The following ERC2 variants were observed in gnomAD, a reference collection of about 807,000 sequenced individuals.
ERC2 encodes ELKS/RAB6-interacting/CAST family member 2.
In ERC2, 42 loss-of-function variants were observed where a neutral mutation model predicts 114.8. That is an observed-to-expected ratio of 0.37 (90% CI 0.29 to 0.47). The LOEUF (loss-of-function observed/expected upper bound fraction) is 0.47, where lower values mean the gene tolerates loss of function less well. Among genes scored for constraint, ERC2 ranks in the 20% least tolerant of loss-of-function variants. ERC2 has a pLI of 0.99. For missense variants in ERC2, 939 were observed against 1,150.7 expected (o/e 0.82, Z 2.66); for synonymous variants, 454 against 425.5 (o/e 1.07, Z -0.82).
intron 14 of ERC2, among the ~76,000 whole-genome samples, chr3:55,872,373 A>T (rs1229535291): frequency 6.6e-6 from 1 of 152,174 alleles, no homozygotes; most frequent in Admixed American, 6.5e-5. Flanking sequence ...ATTTCTAAAA[A>T]AATAGGATTT....
chr3:55,652,611 T>C (rs1479008685), intron 17 of ERC2, among the ~76,000 whole-genome samples: 1 of 152,136 alleles, frequency 6.6e-6, no homozygotes, highest in Non-Finnish European at 1.5e-5. Context: ...AGGTGGCTCA[T>C]GCCTGTAATC....
intron 15 of ERC2, among the ~76,000 whole-genome samples, chr3:55,726,358 G>C (rs562172429): frequency 2.0e-5 from 3 of 152,258 alleles, no homozygotes; most frequent in East Asian, 1.9e-4. Flanking sequence ...AACCATAAAG[G>C]GTAATTAAAA....
chr3:55,792,727 G>T (rs562941801), intron 14 of ERC2, among the ~76,000 whole-genome samples: 2 of 152,284 alleles, frequency 1.3e-5, no homozygotes, highest in South Asian at 4.1e-4. Flanking sequence ...TAGAACAAAT[G>T]AATGTGCATG....
At chr3:55,957,162 C>T (rs2068018005) in intron 12 of ERC2, among the ~76,000 whole-genome samples, 1 of 151,954 alleles carries the variant, frequency 6.6e-6, no homozygotes, top group Non-Finnish European at 1.5e-5. Flanking sequence ...CAATTTTAGC[C>T]TCCACCTTGT....
chr3:55,850,136 A>C (rs555136928), intron 14 of ERC2, among the ~76,000 whole-genome samples: 90 of 152,294 alleles, frequency 5.9e-4, no homozygotes, highest in Middle Eastern at 3.4e-3. Flanking sequence ...CTCCAACTTC[A>C]TGCGAACTTC....
chr3:56,250,864 T>C (rs940380999), intron 3 of ERC2, among the ~76,000 whole-genome samples: 18 of 152,314 alleles, frequency 1.2e-4, no homozygotes, highest in African/African-American at 4.3e-4. Flanking sequence ...TGCTTTAACC[T>C]TATAACAGTG....
intron 13 of ERC2, among the ~76,000 whole-genome samples, chr3:55,937,284 G>A (rs1461261427): frequency 6.6e-6 from 1 of 152,242 alleles, no homozygotes; most frequent in Non-Finnish European, 1.5e-5. Flanking sequence ...GGGAGGCGGA[G>A]GTTGCAGTGA....
intron 14 of ERC2, among the ~76,000 whole-genome samples, chr3:55,748,204 T>C (rs978842373): frequency 3.3e-5 from 5 of 152,150 alleles, no homozygotes; most frequent in African/African-American, 9.7e-5. Flanking sequence ...AGCAGGAACA[T>C]TTCAGATATG....
At chr3:56,077,621 C>T (rs2077034826) in intron 7 of ERC2, among the ~76,000 whole-genome samples, 1 of 152,142 alleles carries the variant, frequency 6.6e-6, no homozygotes, top group Non-Finnish European at 1.5e-5. Flanking sequence ...ATTTATTCCT[C>T]AAGAATGAGC....
chr3:55,974,955 T>C (rs1007693830), intron 12 of ERC2, among the ~76,000 whole-genome samples: 5 of 152,214 alleles, frequency 3.3e-5, no homozygotes, highest in African/African-American at 1.2e-4. Context: ...GTAGTCCCTA[T>C]GGTCCCAGGA....
chr3:55,786,824 T>C (rs1408628338), intron 14 of ERC2, among the ~76,000 whole-genome samples: 1 of 152,054 alleles, frequency 6.6e-6, no homozygotes, highest in Non-Finnish European at 1.5e-5. Context: ...CCAAGGACAA[T>C]GATAGCATCT....
At chr3:55,550,750 C>T (rs1263323781) in intron 17 of ERC2, among the ~76,000 whole-genome samples, 2 of 152,142 alleles carry the variant, frequency 1.3e-5, no homozygotes, top group Non-Finnish European at 2.9e-5. Context: ...GGCGCAGTGG[C>T]TCACGCCTAT....
rs1482532235 is a variant in ERC2, at chr3:55,510,435, A to G, written c.*881T>C. ...GCTTGGTGGCGTCCCCACCGTGGGGATGTGCAGAACACAGGGACTAGAGAT... is the reference window on the plus strand; with the variant it reads ...GCTTGGTGGCGTCCCCACCGTGGGGGTGTGCAGAACACAGGGACTAGAGAT... On this transcript the variant is annotated 3_prime_UTR_variant, in exon 18 of 18. Transcript: ENST00000288221. The G allele has an allele frequency of 2.0e-5, 3 of 152,418 alleles. No individual in the cohort carries two copies. In the East Asian group the frequency reaches 5.8e-4, roughly 29 times the overall value. 9.4% of individuals were successfully genotyped at this position (152,418 alleles called of 1,614,324 possible).
intron 10 of ERC2, among the ~76,000 whole-genome samples, chr3:55,997,849 T>A (rs1022159628): frequency 2.0e-5 from 3 of 147,884 alleles, no homozygotes; most frequent in Non-Finnish European, 4.5e-5. Context: ...CTAATAATGA[T>A]GTATTTTGAA....
chr3:56,018,811 G>T (rs3816575), intron 8 of ERC2, 83 bp downstream of exon 8: 491,268 of 1,436,682 alleles, frequency 0.34, 88,187 homozygotes, highest in East Asian at 0.52. Context: ...AGAAAAGCAG[G>T]CACATTTAAA....
chr3:55,920,654 A>G (rs778507875), intron 13 of ERC2, among the ~76,000 whole-genome samples: 79 of 152,130 alleles, frequency 5.2e-4, no homozygotes, highest in Non-Finnish European at 9.6e-4. Context: ...TGAACCCTTT[A>G]GTGCTTCTTT....
intron 14 of ERC2, among the ~76,000 whole-genome samples, chr3:55,847,344 G>T (rs1204505708): frequency 6.6e-6 from 1 of 152,146 alleles, no homozygotes; most frequent in Non-Finnish European, 1.5e-5. Context: ...TTTGAAAATT[G>T]CCAAAGTCAC....
chr3:56,427,972 C>T (rs1262878828), intron 2 of ERC2, among the ~76,000 whole-genome samples: 6 of 152,104 alleles, frequency 3.9e-5, no homozygotes, highest in Non-Finnish European at 8.8e-5. Flanking sequence ...ACCAGAAAAT[C>T]CGTTTTGAAA....
chr3:56,128,851 T>C (rs2080039441), intron 6 of ERC2, among the ~76,000 whole-genome samples: 1 of 152,214 alleles, frequency 6.6e-6, no homozygotes. Context: ...CTCTTTTCCT[T>C]CACATTTGAC....
Sources: gnomAD v4.1 joint callset for allele counts (sites outside exome capture counted in the v4.1 genomes callset) on GRCh38, gnomAD v4.1.1 for gene constraint, MANE v1.5 for transcripts, NCBI Gene and HGNC (gene_info 2026-07-23, HGNC 2026-07-21) for gene names.